The following CTNND2 variants were observed in gnomAD, a reference collection of about 807,000 sequenced individuals.
CTNND2 encodes catenin delta-2.
Under a neutral mutation model 144.4 loss-of-function variants are expected in CTNND2, and 22 were observed. The ratio of observed to expected loss-of-function variants is 0.15; its 90% CI spans 0.11 to 0.22. The LOEUF (loss-of-function observed/expected upper bound fraction) is 0.22. CTNND2 is among the 10% of genes least tolerant of loss of function. The pLI is 1.00. For missense variants in CTNND2, 1,353 were observed against 1,618.8 expected, an observed-to-expected ratio of 0.84 and a Z score of 2.82; for synonymous variants, 751 against 695.6, an observed-to-expected ratio of 1.08 and a Z score of -1.25.
intron 15 of CTNND2, among the ~76,000 whole-genome samples, chr5:11,086,650 G>A (rs1750180094): frequency 6.6e-6 from 1 of 152,178 alleles, no homozygotes; most frequent in African/African-American, 2.4e-5. Context: ...ATTCCTAGTT[G>A]TATGTATTGA....
At chr5:11,246,903 A>T (rs1260000986) in intron 9 of CTNND2, among the ~76,000 whole-genome samples, 3 of 152,034 alleles carry the variant, frequency 2.0e-5, no homozygotes, top group Non-Finnish European at 4.4e-5. Flanking sequence ...GGGTGAAGAG[A>T]AGTGAGTCCC....
chr5:11,205,855 A>G (rs2149837937), intron 10 of CTNND2, among the ~76,000 whole-genome samples: 1 of 152,322 alleles, frequency 6.6e-6, no homozygotes, highest in East Asian at 1.9e-4. Flanking sequence ...TTCGAGAGAA[A>G]GCACATTGCA....
intron 1 of CTNND2, among the ~76,000 whole-genome samples, chr5:11,886,470 A>T (rs1297786194): frequency 6.6e-6 from 1 of 152,220 alleles, no homozygotes; most frequent in Non-Finnish European, 1.5e-5. Context: ...GATGCATTTA[A>T]TCTACCAAGA....
At chr5:11,422,921 A>G (rs1762484283) in intron 3 of CTNND2, among the ~76,000 whole-genome samples, 1 of 152,216 alleles carries the variant, frequency 6.6e-6, no homozygotes, top group Non-Finnish European at 1.5e-5. Context: ...CTCACACCGT[A>G]GCTCCTTCTA....
intron 2 of CTNND2, among the ~76,000 whole-genome samples, chr5:11,660,554 A>C (rs577451161): frequency 1.3e-5 from 2 of 152,264 alleles, no homozygotes; most frequent in South Asian, 4.1e-4. Flanking sequence ...CAAAAATCTG[A>C]GGATTTCATA....
chr5:11,162,216 T>C (rs770048077), intron 11 of CTNND2, among the ~76,000 whole-genome samples: 3 of 152,110 alleles, frequency 2.0e-5, no homozygotes, highest in Non-Finnish European at 2.9e-5. Context: ...TTTTTTTACA[T>C]GCAGTGAGTA....
chr5:11,271,838 A>G (rs1410351562), intron 9 of CTNND2, among the ~76,000 whole-genome samples: 1 of 152,144 alleles, frequency 6.6e-6, no homozygotes, highest in Non-Finnish European at 1.5e-5. Flanking sequence ...GTTTCATTCT[A>G]AGATATGCTT....
At chr5:11,007,297 A>T (rs930242733) in intron 18 of CTNND2, among the ~76,000 whole-genome samples, 1 of 152,192 alleles carries the variant, frequency 6.6e-6, no homozygotes, top group Non-Finnish European at 1.5e-5. Context: ...GAAAAACCCA[A>T]TTGCTGTATA....
At chr5:11,322,679 C>T (rs1211004048) in intron 9 of CTNND2, among the ~76,000 whole-genome samples, 1 of 152,078 alleles carries the variant, frequency 6.6e-6, no homozygotes, top group African/African-American at 2.4e-5. Flanking sequence ...TGCCCTATTA[C>T]AAGTGAGATA....
At chr5:11,291,775 G>C (rs1748375795) in intron 9 of CTNND2, among the ~76,000 whole-genome samples, 1 of 151,872 alleles carries the variant, frequency 6.6e-6, no homozygotes, top group Non-Finnish European at 1.5e-5. Flanking sequence ...CCTGAAACCT[G>C]GTACAAAATA....
At chr5:11,745,730 A>G (rs943576299) in intron 1 of CTNND2, among the ~76,000 whole-genome samples, 11 of 152,170 alleles carry the variant, frequency 7.2e-5, no homozygotes, top group African/African-American at 2.7e-4. Context: ...AATCAAGTCC[A>G]TGCATTATTC....
intron 1 of CTNND2, among the ~76,000 whole-genome samples, chr5:11,773,538 G>T (rs1370586278): frequency 6.6e-6 from 1 of 152,156 alleles, no homozygotes; most frequent in Non-Finnish European, 1.5e-5. Flanking sequence ...ACAGGGCTGG[G>T]CGTGGTGGCT....
intron 14 of CTNND2, among the ~76,000 whole-genome samples, chr5:11,110,298 T>C (rs1013109892): frequency 1.2e-4 from 19 of 152,216 alleles, no homozygotes; most frequent in Non-Finnish European, 2.1e-4. Flanking sequence ...CTCAACATTG[T>C]TCTGAATTCA....
chr5:11,769,593 A>G (rs1789801795), intron 1 of CTNND2, among the ~76,000 whole-genome samples: 1 of 152,176 alleles, frequency 6.6e-6, no homozygotes, highest in Non-Finnish European at 1.5e-5. Flanking sequence ...TGCCTATATC[A>G]CTGAAACAGA....
chr5:11,264,177 T>C (rs1429834136), intron 9 of CTNND2, among the ~76,000 whole-genome samples: 1 of 152,210 alleles, frequency 6.6e-6, no homozygotes. Context: ...TTGTCAATTT[T>C]CCAAAGGATA....
Position 11,346,584 on chromosome 5 carries a change from T to G in CTNND2, c.1416A>C (p.Thr472=), listed in dbSNP as rs1754813122. ...PGVDSVPLQR[T]GSQHGPQNAA... ...CATTCTGTGGGCCGTGCTGGCTGCC[T>G]GTGCGCTGCAAGGGGACGGAGTCGA... Residue 472 remains threonine, a synonymous_variant, in exon 9 of 22, where the codon ACA becomes ACC. Transcript: ENST00000304623. 2.5e-6 allele frequency: 4 copies of G among 1,589,294 alleles called. No individual in the cohort carries two copies. The highest frequency in any genetic ancestry group is 2.6e-6 in the Non-Finnish European group (3 of 1,167,348).
intron 3 of CTNND2, among the ~76,000 whole-genome samples, chr5:11,528,409 T>C (rs116485284): frequency 0.013 from 1,940 of 152,052 alleles, 17 homozygotes; most frequent in Non-Finnish European, 0.019. Flanking sequence ...TTCCCAGTAG[T>C]TCACATAAAA....
chr5:11,819,772 T>C (rs1793214820), intron 1 of CTNND2, among the ~76,000 whole-genome samples: 1 of 152,180 alleles, frequency 6.6e-6, no homozygotes, highest in African/African-American at 2.4e-5. Context: ...AGCAGAATCC[T>C]GGGCCCTGTC....
chr5:10,981,787 T>C lies in CTNND2; in HGVS notation c.3403A>G (p.Ile1135Val), dbSNP rs762724120. 1.2e-6 allele frequency: 2 copies of C among 1,613,962 alleles called. 1 individual carries two copies. The highest frequency in any genetic ancestry group is 2.2e-5 in the South Asian group (2 of 91,034). Residue 1135 changes from isoleucine to valine, a missense_variant, in exon 21 of 22, where the codon ATC becomes GTC. This residue lies in a region of CTNND2 where 459 missense variants were observed against 674.3 expected (regional missense o/e 0.68). Transcript: ENST00000304623. ...RNSYGAPAED[I>V]KHNQVSAQPV... ...ATTTACTTTACCTGGTTGTGTTTGA[T>C]GTCTTCAGCGGGCGCACCATAAGAA...
Sources: gnomAD v4.1 joint callset for allele counts (sites outside exome capture counted in the v4.1 genomes callset) on GRCh38, gnomAD v4.1.1 for gene constraint, gnomAD v4.1.1 regional missense constraint, MANE v1.5 for transcripts, NCBI Gene and HGNC (gene_info 2026-07-23, HGNC 2026-07-21) for gene names.